Variants in RTTN observed in about 807,000 individuals in gnomAD.
RTTN encodes rotatin.
In RTTN, 182 loss-of-function variants were observed where a neutral mutation model predicts 269.2. The ratio of observed to expected loss-of-function variants is 0.68; its 90% CI spans 0.60 to 0.76. The LOEUF (loss-of-function observed/expected upper bound fraction) is 0.76, where lower values mean the gene tolerates loss of function less well. Among genes scored for constraint, RTTN ranks in the 30% least tolerant of loss-of-function variants. RTTN has a pLI of 0.00. For missense variants in RTTN, 2,545 were observed against 2,608.6 expected, an observed-to-expected ratio of 0.98 and a Z score of 0.53; for synonymous variants, 1,006 against 963.5, an observed-to-expected ratio of 1.04 and a Z score of -0.82.
intron 5 of RTTN, among the ~76,000 whole-genome samples, 193 bp downstream of exon 5, chr18:70,199,221 T>C (rs2061890084): frequency 1.3e-5 from 2 of 152,106 alleles, no homozygotes; most frequent in African/African-American, 4.8e-5. Context: ...AGAAACTTGA[T>C]GTGTAGATTG....
intron 22 of RTTN, among the ~76,000 whole-genome samples, chr18:70,134,810 G>A (rs1006999387): frequency 2.6e-5 from 4 of 151,998 alleles, no homozygotes; most frequent in South Asian, 2.1e-4. Flanking sequence ...CTCCTCCCAC[G>A]GATCCTGCTC....
intron 34 of RTTN, among the ~76,000 whole-genome samples, chr18:70,068,601 G>A (rs1279643805): frequency 6.6e-6 from 1 of 152,164 alleles, no homozygotes; most frequent in Non-Finnish European, 1.5e-5. Context: ...GGAGGAATTG[G>A]CTTAGTTTAA....
chr18:70,052,453 A>G (rs1384295434), intron 38 of RTTN, among the ~76,000 whole-genome samples: 1 of 152,148 alleles, frequency 6.6e-6, no homozygotes, highest in African/African-American at 2.4e-5. Flanking sequence ...TTTATGTACT[A>G]TATGTATATC....
chr18:70,075,981 TG>T (rs2058419876), intron 32 of RTTN, among the ~76,000 whole-genome samples: 1 of 152,002 alleles, frequency 6.6e-6, no homozygotes, highest in Admixed American at 6.6e-5. Flanking sequence ...CCAGGTAAAA[TG>T]AAAAGGTCCA....
At chr18:70,057,866 G>C (rs755867243) in intron 36 of RTTN, 34 bp from the exon 37 acceptor site, 4 of 1,439,922 alleles carry the variant, frequency 2.8e-6, no homozygotes, top group Non-Finnish European at 3.9e-6. Flanking sequence ...TCCTTCAGAA[G>C]ATTAGTATAC....
chr18:70,095,330 A>G (rs2058973209), intron 28 of RTTN, among the ~76,000 whole-genome samples: 1 of 152,098 alleles, frequency 6.6e-6, no homozygotes, highest in African/African-American at 2.4e-5. Context: ...GTGTGAATTG[A>G]TCCTGTCATT....
intron 12 of RTTN, 25 bp downstream of exon 12, chr18:70,168,830 A>G (rs1412028634): frequency 3.9e-6 from 6 of 1,521,938 alleles, no homozygotes; most frequent in Non-Finnish European, 5.4e-6. Flanking sequence ...AGGGATTTAA[A>G]AGAGATATTA....
chr18:70,165,273 T>C (rs1218783655), intron 14 of RTTN, among the ~76,000 whole-genome samples: 2 of 151,596 alleles, frequency 1.3e-5, no homozygotes, highest in African/African-American at 4.8e-5. Context: ...TCATGCTATA[T>C]ATAAAATTCT....
intron 11 of RTTN, among the ~76,000 whole-genome samples, chr18:70,173,380 C>T (rs2145956103): frequency 6.6e-6 from 1 of 151,154 alleles, no homozygotes; most frequent in South Asian, 2.1e-4. Flanking sequence ...GCAATCCCAG[C>T]TACTCGGGAG....
chr18:70,114,204 C>T (rs897678841), intron 27 of RTTN, among the ~76,000 whole-genome samples: 1 of 151,936 alleles, frequency 6.6e-6, no homozygotes, highest in Non-Finnish European at 1.5e-5. Context: ...CCCTAGAGAA[C>T]AAAACTGTGT....
intron 11 of RTTN, among the ~76,000 whole-genome samples, chr18:70,171,711 C>T (rs2061147296): frequency 6.6e-6 from 1 of 152,214 alleles, no homozygotes; most frequent in African/African-American, 2.4e-5. Flanking sequence ...AGCAACATCA[C>T]CTCATGTGCA....
chr18:70,047,054 T>C (rs529945559), intron 40 of RTTN, among the ~76,000 whole-genome samples: 1 of 152,072 alleles, frequency 6.6e-6, no homozygotes, highest in South Asian at 2.1e-4. Flanking sequence ...TGGGTAAAAA[T>C]CTCCAAATTC....
intron 43 of RTTN, among the ~76,000 whole-genome samples, chr18:70,027,605 T>C (rs921335247): frequency 2.6e-5 from 4 of 152,164 alleles, no homozygotes; most frequent in African/African-American, 9.6e-5. Flanking sequence ...GAATGAATAT[T>C]AACTGCACAT....
chr18:70,101,134 T>A (rs893914536), intron 28 of RTTN, among the ~76,000 whole-genome samples: 5 of 152,226 alleles, frequency 3.3e-5, no homozygotes, highest in African/African-American at 1.2e-4. Flanking sequence ...TTGACTGGAA[T>A]AGTTTCAGAA....
rs977631074 is a variant in RTTN at position 70,150,007 on chromosome 18, A to C, written c.2136T>G (p.Phe712Leu). 5 of 1,612,928 alleles carry C rather than the reference A, an allele frequency of 3.1e-6. No homozygotes were observed. Among genetic ancestry groups the C allele is most frequent in the Non-Finnish European group, 4.2e-6 (5 of 1,179,166 alleles). Residue 712 changes from phenylalanine to leucine, a missense_variant, in exon 16 of 49, where the codon TTT becomes TTG. By Grantham distance (22) the Phe-to-Leu change is conservative (BLOSUM62 0). Transcript: ENST00000640769. ...LMMTALTWNK[F>L]IESLCPVIPI... ...GGATGACAGGACAGAGAGATTCAAT[A>C]AACTTGTTCCAGGTCAATGCTGTCA...
At chr18:70,031,601 A>G (rs766097062) in intron 40 of RTTN, among the ~76,000 whole-genome samples, 2 of 151,882 alleles carry the variant, frequency 1.3e-5, no homozygotes, top group South Asian at 2.1e-4. Context: ...AGCTAGAAAA[A>G]TTTTCACTTA....
intron 13 of RTTN, chr18:70,166,649 G>C (rs2060995078): frequency 3.1e-6 from 1 of 317,468 alleles, no homozygotes. Context: ...GAATAGTCTG[G>C]ATGGATACCA....
intron 32 of RTTN, among the ~76,000 whole-genome samples, chr18:70,081,703 C>T (rs1027797061): frequency 2.6e-5 from 4 of 152,008 alleles, no homozygotes; most frequent in Admixed American, 2.0e-4. Context: ...TTCAGATGAA[C>T]GAAAGCAAAT....
intron 37 of RTTN, among the ~76,000 whole-genome samples, chr18:70,055,096 A>C (rs2057779302): frequency 6.6e-6 from 1 of 152,186 alleles, no homozygotes; most frequent in Admixed American, 6.5e-5. Context: ...CAATATTACC[A>C]ACAAAACCAT....
Sources: allele counts gnomAD v4.1 joint callset (sites outside exome capture counted in the v4.1 genomes callset), GRCh38; gene constraint gnomAD v4.1.1; transcripts MANE v1.5; gene names NCBI Gene and HGNC (gene_info 2026-07-23, HGNC 2026-07-21).